The following NIBAN1 variants were observed in gnomAD, a reference collection of about 807,000 sequenced individuals.
NIBAN1 encodes protein Niban 1.
In NIBAN1, 81 loss-of-function variants were observed where a neutral mutation model predicts 75.1. The observed-to-expected ratio is 1.08, with a 90% CI of 0.90 to 1.30. The LOEUF is 1.30. Among genes scored for constraint, NIBAN1 ranks in the 50% most tolerant of loss-of-function variants. NIBAN1 has a pLI of 0.00. For missense variants in NIBAN1, 1,133 were observed against 1,128.1 expected (o/e 1.00, Z -0.06); for synonymous variants, 436 against 424.8 (o/e 1.03, Z -0.32).
intron 5 of NIBAN1, among the ~76,000 whole-genome samples, chr1:184,883,649 CAAGGGT>C (rs1447367801): frequency 6.6e-6 from 1 of 152,196 alleles, no homozygotes; most frequent in African/African-American, 2.4e-5. Flanking sequence ...AACACCACCC[CAAGGGT>C]GGTTCGCGAA....
At chr1:184,831,743 T>C (rs757184896) in intron 6 of NIBAN1, 104 bp downstream of exon 6, 2 of 807,806 alleles carry the variant, frequency 2.5e-6, no homozygotes, top group East Asian at 2.5e-5. Flanking sequence ...ACATCTTCCA[T>C]ACTTGCAACT....
At chr1:184,855,368 C>T (rs1179084677) in intron 5 of NIBAN1, among the ~76,000 whole-genome samples, 6 of 152,146 alleles carry the variant, frequency 3.9e-5, no homozygotes, top group African/African-American at 7.2e-5. Flanking sequence ...AAATCACTAT[C>T]GTGTCTTCCC....
At chr1:184,857,881 C>T (rs957943253) in intron 5 of NIBAN1, among the ~76,000 whole-genome samples, 1 of 151,646 alleles carries the variant, frequency 6.6e-6, no homozygotes, top group Non-Finnish European at 1.5e-5. Flanking sequence ...CACTCATATA[C>T]ATCATATATA....
chr1:184,840,640 A>G (rs1232684193), intron 5 of NIBAN1, among the ~76,000 whole-genome samples: 1 of 151,666 alleles, frequency 6.6e-6, no homozygotes, highest in Non-Finnish European at 1.5e-5. Context: ...CTATTTGTCA[A>G]CAGCGAAAAG....
chr1:184,858,016 G>T (rs887389252), intron 5 of NIBAN1, among the ~76,000 whole-genome samples: 1 of 151,690 alleles, frequency 6.6e-6, no homozygotes, highest in Non-Finnish European at 1.5e-5. Context: ...CTAAACACAG[G>T]CAGAAAATCC....
At chr1:184,839,821 T>C (rs1655236494) in intron 5 of NIBAN1, among the ~76,000 whole-genome samples, 1 of 152,166 alleles carries the variant, frequency 6.6e-6, no homozygotes, top group Non-Finnish European at 1.5e-5. Flanking sequence ...GGTCTCGAAC[T>C]CCTGACCTCA....
At chr1:184,802,692 T>C (rs1191544571) in intron 12 of NIBAN1, among the ~76,000 whole-genome samples, 6 of 152,256 alleles carry the variant, frequency 3.9e-5, no homozygotes, top group Non-Finnish European at 8.8e-5. Context: ...CTCTCCGAGC[T>C]GCCAAAAAGC....
chr1:184,804,996 G>A (rs1013554213), intron 11 of NIBAN1, among the ~76,000 whole-genome samples: 11 of 152,128 alleles, frequency 7.2e-5, no homozygotes, highest in Non-Finnish European at 1.2e-4. Context: ...CACCGTGTTA[G>A]CCAGGATGGT....
chr1:184,894,503 T>C (rs766550507), intron 2 of NIBAN1, among the ~76,000 whole-genome samples: 4 of 152,252 alleles, frequency 2.6e-5, no homozygotes, highest in Admixed American at 6.5e-5. Context: ...CTTGCATGCA[T>C]GTGGCACTCA....
At chr1:184,958,598 C>T (rs561021070) in intron 1 of NIBAN1, among the ~76,000 whole-genome samples, 13 of 152,194 alleles carry the variant, frequency 8.5e-5, no homozygotes, top group Admixed American at 5.2e-4. Flanking sequence ...GCATTTGATA[C>T]CCTGTTACCT....
chr1:184,862,094 T>C (rs540288498), intron 5 of NIBAN1, among the ~76,000 whole-genome samples: 61 of 152,224 alleles, frequency 4.0e-4, no homozygotes, highest in African/African-American at 1.4e-3. Context: ...TTGCAAAAAG[T>C]CAACATTAGA....
In NIBAN1 at chr1:184,890,150, C is replaced by A. The variant is rs1656627973; in HGVS notation, c.391G>T (p.Glu131Ter). 1 of 1,613,910 alleles carries A rather than the reference C, an allele frequency of 6.2e-7. No individual in the cohort carries two copies. The highest frequency in any genetic ancestry group is 1.3e-5 in the African/African-American group (1 of 75,020). Residue 131 changes from glutamate to a stop codon, truncating the protein, a stop_gained, in exon 4 of 14, where the codon GAA (glutamate) becomes TAA (stop). Transcript: ENST00000367511. LOFTEE classifies it high-confidence loss of function. ...AGGKVLTSED[E>*]YNLLSDRHFP... ...TGCCTGTCAGACAACAGATTATATT[C>A]ATCTTCTGAGGTTAACACCTTGCCA...
chr1:184,886,873 A>C (rs1245405239), intron 4 of NIBAN1, among the ~76,000 whole-genome samples: 1 of 152,212 alleles, frequency 6.6e-6, no homozygotes. Flanking sequence ...CTGTAATCCC[A>C]GCACTTTGGG....
intron 1 of NIBAN1, among the ~76,000 whole-genome samples, chr1:184,931,170 T>G (rs1657812641): frequency 6.6e-6 from 1 of 152,046 alleles, no homozygotes; most frequent in Non-Finnish European, 1.5e-5. Context: ...CGGCTAGTTT[T>G]TATATTTTTA....
chr1:184,957,278 G>A (rs1165983835), intron 1 of NIBAN1, among the ~76,000 whole-genome samples: 5 of 152,200 alleles, frequency 3.3e-5, no homozygotes, highest in Admixed American at 3.3e-4. Flanking sequence ...AGGAGTATGT[G>A]TAGGACCTTG....
At chr1:184,890,269 A>G (rs1193461643) in intron 3 of NIBAN1, 47 bp from the exon 4 acceptor site, 2 of 1,398,910 alleles carry the variant, frequency 1.4e-6, no homozygotes, top group Non-Finnish European at 2.0e-6. Context: ...TCCCCATTTG[A>G]TTTTTGGAAA....
At chr1:184,944,191 A>G (rs1004446265) in intron 1 of NIBAN1, among the ~76,000 whole-genome samples, 5 of 152,200 alleles carry the variant, frequency 3.3e-5, no homozygotes, top group African/African-American at 1.2e-4. Flanking sequence ...GTGATAGTGA[A>G]AGGCTCTGTG....
intron 9 of NIBAN1, among the ~76,000 whole-genome samples, chr1:184,810,638 G>A (rs7541096): frequency 6.6e-6 from 1 of 152,138 alleles, no homozygotes; most frequent in African/African-American, 2.4e-5. Flanking sequence ...GTTCAAATAA[G>A]GCAAATGCTG....
chr1:184,862,872 T>TAA (rs1433427121), intron 5 of NIBAN1, among the ~76,000 whole-genome samples: 1 of 151,538 alleles, frequency 6.6e-6, no homozygotes, highest in Non-Finnish European at 1.5e-5. Flanking sequence ...AGTTCAGGGG[T>TAA]AAAAGTGCAG....
Sources: gnomAD v4.1 joint callset for allele counts (sites outside exome capture counted in the v4.1 genomes callset) on GRCh38, gnomAD v4.1.1 for gene constraint, MANE v1.5 for transcripts, NCBI Gene and HGNC (gene_info 2026-07-23, HGNC 2026-07-21) for gene names.